Variants in FRMD6 observed in about 807,000 individuals in gnomAD.
FRMD6 encodes FERM domain containing 6.
Under a neutral mutation model 73.2 loss-of-function variants are expected in FRMD6, and 37 were observed. The ratio of observed to expected loss-of-function variants is 0.51; its 90% confidence interval spans 0.39 to 0.66. The LOEUF (loss-of-function observed/expected upper bound fraction) is 0.66, where lower values mean the gene tolerates loss of function less well. Among genes scored for constraint, FRMD6 ranks in the 30% least tolerant of loss-of-function variants. FRMD6 has a pLI of 0.00. For synonymous variants in FRMD6, 273 were observed against 282.2 expected, an observed-to-expected ratio of 0.97 and a Z score of 0.33; for missense variants, 714 against 780.5, an observed-to-expected ratio of 0.91 and a Z score of 1.02.
intron 2 of FRMD6, among the ~76,000 whole-genome samples, chr14:51,577,248 G>A (rs1244018690): frequency 6.6e-6 from 1 of 151,822 alleles, no homozygotes; most frequent in Admixed American, 6.6e-5. Context: ...ATCTTAAATA[G>A]GAGTCATTTA....
chr14:51,697,719 CATT>C (rs1034870226), intron 2 of FRMD6, among the ~76,000 whole-genome samples: 2 of 151,770 alleles, frequency 1.3e-5, no homozygotes, highest in East Asian at 3.9e-4. Flanking sequence ...TATATCAAAA[CATT>C]ATGTTGTATA....
intron 2 of FRMD6, among the ~76,000 whole-genome samples, chr14:51,601,724 C>T (rs558319147): frequency 2.0e-3 from 310 of 151,252 alleles, no homozygotes; most frequent in Admixed American, 4.6e-3. Context: ...AAGCCATTAT[C>T]CATGAGAGGA....
In FRMD6 at chr14:51,617,075, T is replaced by C. The variant is rs897683065; in HGVS notation, c.-147+46665T>C. Among the ~76,000 whole-genome samples, 3 of 152,346 alleles carry C rather than the reference T, an allele frequency of 2.0e-5. No individual in the cohort carries two copies. In the East Asian group the frequency reaches 5.8e-4, roughly 29 times the overall value. On this transcript the variant is annotated intron_variant, in intron 2 of 14. Transcript: ENST00000356218. ...TTCTATTAAAGCATCAGGAGTGCCA[T>C]GTGGAAGCCCCCTTATTTTCCGTAG...
At chr14:51,627,287 T>C (rs1466430048) in intron 2 of FRMD6, among the ~76,000 whole-genome samples, 2 of 152,242 alleles carry the variant, frequency 1.3e-5, no homozygotes, top group Non-Finnish European at 2.9e-5. Context: ...TTCAATAACA[T>C]AAATTGCAAA....
At chr14:51,399,222 G>A in the FRMD6 span, among the ~76,000 whole-genome samples, 3,131 of 152,236 alleles carry the variant, frequency 0.021, 49 homozygotes, top group Middle Eastern at 0.11. Context: ...ATTGCATTCA[G>A]CAGGTCTTCC....
the FRMD6 span, among the ~76,000 whole-genome samples, chr14:51,448,741 G>T: frequency 6.6e-6 from 1 of 152,120 alleles, no homozygotes; most frequent in East Asian, 1.9e-4. Context: ...CCAAGCCAGG[G>T]TCTCTCTTCT....
rs139717973 is a variant in FRMD6 at position 51,697,710 on chromosome 14, A to G, written c.100-432A>G. ...TTTATTCATTCCACAGTATATACAT[A>G]TATCAAAACATTATGTTGTATACCA... On this transcript the variant is annotated intron_variant, in intron 2 of 13. Coordinates refer to ENST00000344768, the MANE Select transcript of FRMD6 (RefSeq NM_001267046.2). 1.7e-4 allele frequency among the ~76,000 whole-genome samples: 26 copies of G among 152,288 alleles called. No homozygotes were observed. The East Asian group carries it at 3.7e-3, about 21-fold the overall frequency.
the FRMD6 span, among the ~76,000 whole-genome samples, chr14:51,411,707 G>A: frequency 3.9e-5 from 6 of 152,300 alleles, no homozygotes; most frequent in South Asian, 1.0e-3. Flanking sequence ...TTTAGAACCA[G>A]GAGTTAATTA....
chr14:51,691,402 C>A (rs1416553805), intron 2 of FRMD6, among the ~76,000 whole-genome samples: 2 of 151,932 alleles, frequency 1.3e-5, no homozygotes, highest in African/African-American at 2.4e-5. Context: ...TAGAGACTGC[C>A]AAACAATTTT....
At chr14:51,591,699 T>G (rs559823960) in intron 2 of FRMD6, among the ~76,000 whole-genome samples, 2 of 152,110 alleles carry the variant, frequency 1.3e-5, no homozygotes, top group Non-Finnish European at 2.9e-5. Flanking sequence ...TGCGCCACCA[T>G]GCCCAGCTAA....
chr14:51,579,888 T>G (rs1421652631), intron 2 of FRMD6, among the ~76,000 whole-genome samples: 2 of 152,142 alleles, frequency 1.3e-5, no homozygotes, highest in Non-Finnish European at 2.9e-5. Flanking sequence ...AATAAAACTG[T>G]CTCTTCTCTC....
At chr14:51,546,994 G>A (rs977753629) in intron 1 of FRMD6, among the ~76,000 whole-genome samples, 1 of 151,960 alleles carries the variant, frequency 6.6e-6, no homozygotes, top group Non-Finnish European at 1.5e-5. Context: ...TATGATCTCG[G>A]TGCCTTCCTT....
the FRMD6 span, among the ~76,000 whole-genome samples, chr14:51,424,728 A>G: frequency 6.6e-6 from 1 of 152,234 alleles, no homozygotes. Flanking sequence ...ATTCTTGCAG[A>G]TGTAAAAAAG....
At chr14:51,627,273 T>G (rs1891153151) in intron 2 of FRMD6, among the ~76,000 whole-genome samples, 1 of 152,232 alleles carries the variant, frequency 6.6e-6, no homozygotes, top group African/African-American at 2.4e-5. Context: ...CCACACTTAT[T>G]TTCTTCAATA....
At chr14:51,658,991 A>C (rs892095616) in intron 1 of FRMD6, among the ~76,000 whole-genome samples, 2 of 152,220 alleles carry the variant, frequency 1.3e-5, no homozygotes, top group African/African-American at 4.8e-5. Flanking sequence ...AGTAAAAAAT[A>C]TGCTGACCAT....
the FRMD6 span, among the ~76,000 whole-genome samples, chr14:51,470,635 A>G: frequency 6.6e-6 from 1 of 151,742 alleles, no homozygotes; most frequent in African/African-American, 2.4e-5. Flanking sequence ...CTGATTTTTA[A>G]TTTTTCTATT....
the FRMD6 span, among the ~76,000 whole-genome samples, chr14:51,410,273 C>T: frequency 6.6e-6 from 1 of 152,116 alleles, no homozygotes; most frequent in Non-Finnish European, 1.5e-5. Flanking sequence ...CCTGTTTTCA[C>T]CTGTATCTAT....
chr14:51,560,990 C>T (rs1305527903), intron 1 of FRMD6, among the ~76,000 whole-genome samples: 1 of 152,196 alleles, frequency 6.6e-6, no homozygotes, highest in African/African-American at 2.4e-5. Context: ...GGATTATTGA[C>T]ATCTATGTGG....
At chr14:51,660,305 G>T (rs914090944) in intron 1 of FRMD6, among the ~76,000 whole-genome samples, 1 of 152,138 alleles carries the variant, frequency 6.6e-6, no homozygotes, top group Non-Finnish European at 1.5e-5. Flanking sequence ...TGAGTGTGAA[G>T]TTGAGCTTTC....
Sources: allele counts gnomAD v4.1 joint callset (sites outside exome capture counted in the v4.1 genomes callset), GRCh38; gene constraint gnomAD v4.1.1; transcripts MANE v1.5; gene names NCBI Gene and HGNC (gene_info 2026-07-23, HGNC 2026-07-21).